The following LARP1B variants were observed in gnomAD, a reference collection of about 807,000 sequenced individuals.
LARP1B encodes La ribonucleoprotein 1B.
Under a neutral mutation model 114.2 loss-of-function variants are expected in LARP1B, and 76 were observed. The observed-to-expected ratio is 0.67, with a 90% CI of 0.55 to 0.81. LARP1B has a LOEUF of 0.81. Ranked by LOEUF, LARP1B falls within the 30% of genes least tolerant of loss-of-function variation. LARP1B has a pLI of 0.00. For missense variants in LARP1B, 1,014 were observed against 1,075.8 expected (o/e 0.94, Z 0.80); for synonymous variants, 345 against 348.0 (o/e 0.99, Z 0.10).
At chr4:128,073,460 G>GAAAT (rs1349311275) in intron 1 of LARP1B, among the ~76,000 whole-genome samples, 11 of 101,014 alleles carry the variant, frequency 1.1e-4, no homozygotes, top group African/African-American at 2.7e-4. Flanking sequence ...AAGAAAGAAA[G>GAAAT]AAATACTACC....
intron 16 of LARP1B, among the ~76,000 whole-genome samples, chr4:128,200,093 GA>G (rs946603504): frequency 2.0e-5 from 3 of 151,238 alleles, no homozygotes; most frequent in South Asian, 2.1e-4. Flanking sequence ...CTCAAAAAAA[GA>G]AAAAAAAATT....
At chr4:128,198,169 AC>A (rs1402858233) in intron 15 of LARP1B, among the ~76,000 whole-genome samples, 1 of 151,958 alleles carries the variant, frequency 6.6e-6, no homozygotes, top group Non-Finnish European at 1.5e-5. Flanking sequence ...ACAGGCGTGA[AC>A]CCACCACACC....
At chr4:128,155,425 G>A (rs1271954007) in intron 11 of LARP1B, 2 of 674,802 alleles carry the variant, frequency 3.0e-6, no homozygotes, top group East Asian at 2.7e-5. Flanking sequence ...CCCGAGCTCC[G>A]GGAATGGCGT....
chr4:128,212,657 A>G (rs1324703264), downstream of LARP1B, among the ~76,000 whole-genome samples: 1 of 152,024 alleles, frequency 6.6e-6, no homozygotes, highest in Non-Finnish European at 1.5e-5. Flanking sequence ...TCAAAAAAAC[A>G]AAAACAAAAA....
intron 1 of LARP1B, among the ~76,000 whole-genome samples, chr4:128,072,200 C>T (rs1209412094): frequency 6.6e-6 from 1 of 152,018 alleles, no homozygotes; most frequent in East Asian, 1.9e-4. Context: ...GGGGTTTTGC[C>T]ATGTTGGCCA....
At chr4:128,133,037 T>C (rs1213608141) in intron 11 of LARP1B, among the ~76,000 whole-genome samples, 1 of 152,112 alleles carries the variant, frequency 6.6e-6, no homozygotes, top group East Asian at 1.9e-4. Context: ...AATCTAATGC[T>C]GCCACTGATC....
intron 11 of LARP1B, among the ~76,000 whole-genome samples, chr4:128,159,690 T>C (rs1475859180): frequency 2.6e-5 from 4 of 152,226 alleles, no homozygotes; most frequent in African/African-American, 7.2e-5. Flanking sequence ...TTCAAATGGC[T>C]AAATTTTGAG....
chr4:128,089,556 G>C (rs549462729), intron 5 of LARP1B, among the ~76,000 whole-genome samples: 2 of 151,924 alleles, frequency 1.3e-5, no homozygotes, highest in African/African-American at 2.4e-5. Context: ...GGCTGGTCTC[G>C]AACTCCTGAC....
At chr4:128,071,260 A>G (rs1024545544) in intron 1 of LARP1B, among the ~76,000 whole-genome samples, 2 of 151,684 alleles carry the variant, frequency 1.3e-5, no homozygotes, top group Non-Finnish European at 2.9e-5. Context: ...GTTAGCCAGG[A>G]TGGTCTCGAT....
At chr4:128,082,427 C>G (rs1770852112) in intron 5 of LARP1B, 122 bp downstream of exon 5, 1 of 755,596 alleles carries the variant, frequency 1.3e-6, no homozygotes, top group Admixed American at 2.6e-5. Flanking sequence ...CCCTTTAACC[C>G]CAAATACCTT....
chr4:128,078,725 T>G (rs1768997376), intron 4 of LARP1B, among the ~76,000 whole-genome samples: 1 of 152,144 alleles, frequency 6.6e-6, no homozygotes, highest in South Asian at 2.1e-4. Context: ...TTTCTGAACT[T>G]TTCGTGTGTC....
At position 128,107,180 on chromosome 4, in the gene LARP1B, A is replaced by C. The variant is rs1460903842; in HGVS notation, c.855A>C (p.Lys285Asn). ...DSTEVEIVDE[K>N]MRKKIEPEKW... is the part of the protein sequence containing the mutation. ...CAGAAGTAGAAATTGTGGATGAGAA[A>C]ATGAGAAAAAAGATAGAACCAGAAA... is the stretch of plus-strand genomic sequence containing the variant. The change falls in exon 9 of 20, where the codon AAA becomes AAC. Residue 285 changes from lysine to asparagine, a missense_variant. Physicochemically the swap from Lys to Asn is moderately conservative, Grantham distance 94. Transcript: ENST00000326639. 1.5e-5 allele frequency: 24 copies of C among 1,614,160 alleles called. No individual in the cohort carries two copies. The highest frequency in any genetic ancestry group is 2.0e-5 in the Non-Finnish European group (24 of 1,180,026).
chr4:128,149,963 C>T (rs1731980528), intron 11 of LARP1B, among the ~76,000 whole-genome samples: 2 of 152,158 alleles, frequency 1.3e-5, no homozygotes, highest in African/African-American at 2.4e-5. Flanking sequence ...CCATCCTGGC[C>T]TACATGGTGA....
At position 128,098,327 on chromosome 4, in the gene LARP1B, A is replaced by G. The variant is rs1315517629; in HGVS notation, c.810A>G (p.Leu270=). The G allele has an allele frequency of 1.2e-6, 2 of 1,606,424 alleles. No individual in the cohort carries two copies. The highest frequency in any genetic ancestry group is 2.2e-5 in the South Asian group (2 of 89,278). ...TCACTACAAACCTTAATCTCATCTT[A>G]GAGGTAATTGCTCATTTGATGAACA... ...QALTTNLNLI[L]EALKDSTEVE... is the part of the protein sequence containing the mutation. The change falls in exon 8 of 20, where the codon TTA becomes TTG. Residue 270 remains leucine (L), a synonymous_variant. Coordinates refer to ENST00000326639, the MANE Select transcript of LARP1B (RefSeq NM_018078.4).
intron 11 of LARP1B, among the ~76,000 whole-genome samples, chr4:128,133,934 T>G (rs937700201): frequency 2.6e-5 from 4 of 151,946 alleles, no homozygotes; most frequent in Non-Finnish European, 5.9e-5. Flanking sequence ...TGACCTGAAG[T>G]GATCCACCTG....
chr4:128,098,771 T>G (rs1478716885), intron 8 of LARP1B, among the ~76,000 whole-genome samples: 2 of 18,042 alleles, frequency 1.1e-4, no homozygotes, highest in African/African-American at 4.3e-4. Context: ...ATATATATTT[T>G]TTTTTTTTTT....
At chr4:128,201,863 C>T (rs1166294784) in intron 17 of LARP1B, among the ~76,000 whole-genome samples, 5 of 152,150 alleles carry the variant, frequency 3.3e-5, no homozygotes, top group African/African-American at 7.2e-5. Context: ...TTCATTCAAT[C>T]ATATTTACCT....
At chr4:128,082,063 T>C (rs1028519262) in intron 4 of LARP1B, 102 bp from the exon 5 acceptor site, 20 of 1,060,726 alleles carry the variant, frequency 1.9e-5, no homozygotes, top group Non-Finnish European at 2.7e-5. Flanking sequence ...AAAATACACA[T>C]TAAGTGTTTC....
intron 15 of LARP1B, among the ~76,000 whole-genome samples, chr4:128,187,876 G>A (rs1207358444): frequency 6.6e-6 from 1 of 152,058 alleles, no homozygotes; most frequent in Non-Finnish European, 1.5e-5. Flanking sequence ...GTGAGATCTG[G>A]TTGTTTAAAA....
Sources: allele counts gnomAD v4.1 joint callset (sites outside exome capture counted in the v4.1 genomes callset), GRCh38; gene constraint gnomAD v4.1.1; transcripts MANE v1.5; gene names NCBI Gene and HGNC (gene_info 2026-07-23, HGNC 2026-07-21).